Variants in SLC45A1 observed in about 807,000 individuals in gnomAD.
The protein encoded by SLC45A1 is solute carrier family 45 member 1.
Under a neutral mutation model 57.6 loss-of-function variants are expected in SLC45A1, and 28 were observed. That is an observed-to-expected ratio of 0.49 (90% CI 0.36 to 0.67). The LOEUF is 0.67. SLC45A1 is among the 30% of genes least tolerant of loss of function. The pLI, the probability that SLC45A1 is intolerant of heterozygous loss-of-function variation, is 0.00. For missense variants in SLC45A1, 814 were observed against 1,041.5 expected, an observed-to-expected ratio of 0.78 and a Z score of 3.01; for synonymous variants, 459 against 471.5, an observed-to-expected ratio of 0.97 and a Z score of 0.34.
At position 8,327,273 on chromosome 1, in the gene SLC45A1, A is replaced by G. The variant is rs1487009402; in HGVS notation, c.715+1231A>G. Among the ~76,000 whole-genome samples, 1 of 152,206 alleles carries G rather than the reference A, an allele frequency of 6.6e-6. No individual in the cohort carries two copies. Among genetic ancestry groups the G allele is most frequent in the African/African-American group, 2.4e-5 (1 of 41,450 alleles). On this transcript the variant is annotated intron_variant, in intron 4 of 8. Transcript: ENST00000471889. This position sits in a 1 kb window ranked among gnomAD's most constrained non-coding sequence, Gnocchi z 4.3. ...CTATATCCATACCATGCATATATGT[A>G]TGTATATATACATACCTGTGGCATG...
Position 8,344,033 on chromosome 1 carries a change from CG to C in SLC45A1, c.*22del. On this transcript the variant is annotated 3_prime_UTR_variant, in exon 9 of 9. Transcript: ENST00000471889. Reference sequence around the variant, plus strand: ...GTCTGACATCGCGGAGCCTCGACTCCGGACACGCGCCTGCACCTGGGGGTCT... The same window carrying C: ...GTCTGACATCGCGGAGCCTCGACTCCGACACGCGCCTGCACCTGGGGGTCT... 1 of 1,591,700 alleles carries C rather than the reference CG, an allele frequency of 6.3e-7. No individual in the cohort carries two copies. The highest frequency in any genetic ancestry group is 8.6e-7 in the Non-Finnish European group (1 of 1,166,924).
At chr1:8,329,835 G>A (rs1471324620) in intron 4 of SLC45A1, among the ~76,000 whole-genome samples, 3 of 152,210 alleles carry the variant, frequency 2.0e-5, no homozygotes, top group Admixed American at 6.5e-5. Context: ...CCATGGGGTC[G>A]GCCCTGAGCT....
At chr1:8,322,027 ATGGGTGAGTGGGTGGG>A (rs1640028994) in intron 1 of SLC45A1, among the ~76,000 whole-genome samples, 1 of 17,100 alleles carries the variant, frequency 5.8e-5, no homozygotes, top group Non-Finnish European at 1.1e-4. Flanking sequence ...GGATGGATGG[ATGGGTGAGTGGGTGGG>A]TGGGTGGATG....
intron 1 of SLC45A1, 23 bp downstream of exon 1, chr1:8,318,209 CT>C (rs1225666131): frequency 2.4e-6 from 1 of 422,690 alleles, no homozygotes; most frequent in Non-Finnish European, 4.3e-6. Context: ...CCTCCGCGCC[CT>C]CCGCCCGCTC....
At chr1:8,337,450 G>A (rs916454025) in intron 6 of SLC45A1, among the ~76,000 whole-genome samples, 10 of 152,068 alleles carry the variant, frequency 6.6e-5, no homozygotes, top group African/African-American at 2.4e-4. Context: ...ATGGAGTCTC[G>A]CTCTGTCGCC....
intron 7 of SLC45A1, among the ~76,000 whole-genome samples, chr1:8,338,956 G>A (rs1306512753): frequency 6.6e-6 from 1 of 152,186 alleles, no homozygotes; most frequent in Non-Finnish European, 1.5e-5. Context: ...AGTCCATGGG[G>A]TGGCACCTCG....
At position 8,330,032 on chromosome 1, in the gene SLC45A1, T is replaced by C. The variant is rs879872489; in HGVS notation, c.716-177T>C. 7.7e-6 allele frequency: 6 copies of C among 774,208 alleles called. No individual in the cohort carries two copies. The highest frequency in any genetic ancestry group is 1.0e-5 in the Non-Finnish European group (5 of 491,242). The allele number at this position is 774,208 out of a possible 1,614,324, so 48.0% of individuals were successfully genotyped here. A position where few individuals can be genotyped will look rare whatever the true frequency, so the allele number is the denominator to read the frequency against. ...TGTGCAGGACAGGAGGGGGACCTCC[T>C]CAAGGGGCCCGCCCTGGGAATCCTG... On this transcript the variant is annotated intron_variant, in intron 4 of 8. Coordinates refer to ENST00000471889, the MANE Select transcript of SLC45A1 (RefSeq NM_001080397.3). The surrounding 1 kb of genome is among the most constrained non-coding windows in gnomAD (Gnocchi z 8.4).
At chr1:8,337,553 G>A (rs1478274674) in intron 6 of SLC45A1, among the ~76,000 whole-genome samples, 1 of 152,118 alleles carries the variant, frequency 6.6e-6, no homozygotes, top group Non-Finnish European at 1.5e-5. Flanking sequence ...CGAGTAGCTG[G>A]GACTACAGGC....
rs946148233 is a variant in SLC45A1, at chr1:8,335,061, T to C, written c.1444-376T>C. Among the ~76,000 whole-genome samples the C allele has an allele frequency of 2.0e-5, 3 of 152,198 alleles. No homozygotes were observed. Among genetic ancestry groups the C allele is most frequent in the African/African-American group, 7.2e-5 (3 of 41,434 alleles). Reference sequence around the variant, plus strand: ...CCACCTTGAAATAAGTCGTTCCCAGTCTTCTTTTACAAAAAAGAAAGGACT... The same window carrying C: ...CCACCTTGAAATAAGTCGTTCCCAGCCTTCTTTTACAAAAAAGAAAGGACT... On this transcript the variant is annotated intron_variant, in intron 5 of 8. Coordinates refer to ENST00000471889, the MANE Select transcript of SLC45A1 (RefSeq NM_001080397.3). This position sits in a 1 kb window ranked among gnomAD's most constrained non-coding sequence, Gnocchi z 4.1.
intron 8 of SLC45A1, among the ~76,000 whole-genome samples, chr1:8,340,798 G>A (rs1468516149): frequency 6.6e-6 from 1 of 152,178 alleles, no homozygotes; most frequent in Non-Finnish European, 1.5e-5. Flanking sequence ...TTATCAAGCA[G>A]ATTAAAAGGA....
rs559755004 is a variant in SLC45A1 at position 8,324,712 on chromosome 1, T to C, written c.383T>C (p.Ile128Thr). 1.9e-5 allele frequency: 30 copies of C among 1,590,194 alleles called. No individual in the cohort carries two copies. The South Asian group carries it at 3.2e-4, about 17-fold the overall frequency. ...CAGCTCTACAGCCTGGTGTGGTTCA[T>C]CAGCCCCATCCTCGGTGAGCCCCGG... ...PDQLYSLVWFISPILGFLLQP... is the reference protein window; with the variant it reads ...PDQLYSLVWFTSPILGFLLQP... Residue 128 changes from isoleucine (I) to threonine (T), a missense_variant, in exon 2 of 9, where the codon ATC becomes ACC. Physicochemically the swap from Ile to Thr is moderately conservative, Grantham distance 89 (BLOSUM62 -1). Transcript: ENST00000471889.
rs1476319975 is a variant in SLC45A1, at chr1:8,326,573, C to T, written c.715+531C>T. On this transcript the variant is annotated intron_variant, in intron 4 of 8. Coordinates refer to ENST00000471889, the MANE Select transcript of SLC45A1 (RefSeq NM_001080397.3). The surrounding 1 kb of genome is among the most constrained non-coding windows in gnomAD (Gnocchi z 5.5). The stretch of plus-strand genomic sequence containing the variant: ...ATGCATTTTCTGCACAAGGCACATC[C>T]GGCTTTCTTGCACCTGGAAACGTCA... Among the ~76,000 whole-genome samples, 5 of 152,180 alleles carry T rather than the reference C, an allele frequency of 3.3e-5. No homozygotes were observed. The highest frequency in any genetic ancestry group is 1.3e-4 in the Admixed American group (2 of 15,276).
rs988994344 is a variant in SLC45A1 at position 8,324,329 on chromosome 1, G to T, written c.-1G>T. The T allele has an allele frequency of 6.2e-7, 1 of 1,610,740 alleles. No homozygotes were observed. Among genetic ancestry groups the T allele is most frequent in the African/African-American group, 1.3e-5 (1 of 74,806 alleles). On this transcript the variant is annotated 5_prime_UTR_variant, in exon 2 of 9. Transcript: ENST00000471889. ...AGGGACGCCCACCAGCCCTCCCCAC[G>T]ATGATCCCCGCAGCCAGCAGCACCC...
In SLC45A1 at chr1:8,343,724, A is replaced by C. The variant is rs770834130; in HGVS notation, c.1981-23A>C. 1.0e-5 allele frequency: 16 copies of C among 1,594,604 alleles called. No individual in the cohort carries two copies. The highest frequency in any genetic ancestry group is 1.4e-5 in the Non-Finnish European group (16 of 1,165,452). ...GTGCTGGCCGCGGCGTGTCTCGCTG[A>C]CACGTTTCTTCCTCTGGGTCAGTTT... On this transcript the variant is annotated intron_variant, in intron 8 of 8. Transcript: ENST00000471889. The surrounding 1 kb of genome is among the most constrained non-coding windows in gnomAD (Gnocchi z 7.7).
rs539310361 is a variant in SLC45A1, at chr1:8,333,724, C to T, written c.1444-1713C>T. On this transcript the variant is annotated intron_variant, in intron 5 of 8. Coordinates refer to ENST00000471889, the MANE Select transcript of SLC45A1 (RefSeq NM_001080397.3). ...TGCTGGGATTCCAGGCGTGAGCCAC[C>T]GCGCCCAGCCCTGTTTCCTCCTTGG... Among the ~76,000 whole-genome samples, 11 of 152,374 alleles carry T rather than the reference C, an allele frequency of 7.2e-5. No individual in the cohort carries two copies. In the South Asian group the frequency reaches 2.1e-3, roughly 29 times the overall value.
In SLC45A1 at chr1:8,326,902, T is replaced by C. The variant is rs888644753; in HGVS notation, c.715+860T>C. ...GGCTGAGGCAGGAGAATCACTTGAA[T>C]CCGGGAGGCGGAGGTTGCAGTGAAC... On this transcript the variant is annotated intron_variant, in intron 4 of 8. Transcript: ENST00000471889. The surrounding 1 kb of genome is among the most constrained non-coding windows in gnomAD (Gnocchi z 5.5). 6.6e-6 allele frequency among the ~76,000 whole-genome samples: 1 copy of C among 152,252 alleles called. No homozygotes were observed. Among genetic ancestry groups the C allele is most frequent in the African/African-American group, 2.4e-5 (1 of 41,550 alleles).
In SLC45A1 at chr1:8,325,747, A is replaced by C. The variant is rs949212358; in HGVS notation, c.491-71A>C. ...TTCTTGAGTCCTAAAGATTCTAGAC[A>C]TAAGTCGTGAGCTGCCGGGGACAGA... On this transcript the variant is annotated intron_variant, in intron 3 of 8. Transcript: ENST00000471889. This position sits in a 1 kb window ranked among gnomAD's most constrained non-coding sequence, Gnocchi z 6.3. 98 of 1,397,004 alleles carry C rather than the reference A, an allele frequency of 7.0e-5. No homozygotes were observed. Among genetic ancestry groups the C allele is most frequent in the Non-Finnish European group, 7.9e-5 (80 of 1,007,210 alleles). The allele number at this position is 1,397,004 out of a possible 1,614,324, so 86.5% of individuals were successfully genotyped here. A position where few individuals can be genotyped will look rare whatever the true frequency, so the allele number is the denominator to read the frequency against.
intron 5 of SLC45A1, among the ~76,000 whole-genome samples, chr1:8,333,042 G>A (rs1035962544): frequency 2.6e-5 from 4 of 152,104 alleles, no homozygotes; most frequent in East Asian, 1.9e-4. Context: ...GGCCGCAGAC[G>A]CACGTGGGCC....
In SLC45A1 at chr1:8,325,896, A is replaced by G. The variant is rs1361091981; in HGVS notation, c.569A>G (p.Lys190Arg). The change falls in exon 4 of 9, where the codon AAG becomes AGG. Residue 190 changes from lysine to arginine, a missense_variant. Coordinates refer to ENST00000471889, the MANE Select transcript of SLC45A1 (RefSeq NM_001080397.3). The surrounding 1 kb of genome is among the most constrained non-coding windows in gnomAD (Gnocchi z 6.3). ...CTGGCTGACGTGACCGGGAACCACA[A>G]GTGGGGCCTGCTGCTGACCGTGTGC... ...IALADVTGNH[K>R]WGLLLTVCGV... 3 of 1,614,092 alleles carry G rather than the reference A, an allele frequency of 1.9e-6. No individual in the cohort carries two copies. The highest frequency in any genetic ancestry group is 2.2e-5 in the East Asian group (1 of 44,890).
Sources: allele counts gnomAD v4.1 joint callset (sites outside exome capture counted in the v4.1 genomes callset), GRCh38; gene constraint gnomAD v4.1.1; non-coding constraint Gnocchi (gnomAD v3.1); transcripts MANE v1.5; gene names NCBI Gene and HGNC (gene_info 2026-07-23, HGNC 2026-07-21).